The following NRG3 variants were observed in gnomAD, a reference collection of about 807,000 sequenced individuals.
NRG3 encodes the protein neuregulin 3, also known as pro-neuregulin-3, membrane-bound isoform.
Under a neutral mutation model 66.9 loss-of-function variants are expected in NRG3, and 31 were observed. That is an observed-to-expected ratio of 0.46 (90% CI 0.35 to 0.63). The LOEUF is 0.63. Ranked by LOEUF, NRG3 falls within the 20% of genes least tolerant of loss-of-function variation. NRG3 has a pLI of 0.00. For synonymous variants in NRG3, 393 were observed against 359.4 expected (o/e 1.09, Z -1.06); for missense variants, 910 against 878.9 (o/e 1.04, Z -0.45).
intron 2 of NRG3, among the ~76,000 whole-genome samples, chr10:82,425,300 C>T (rs1373511499): frequency 1.3e-5 from 2 of 151,978 alleles, no homozygotes; most frequent in African/African-American, 2.4e-5. Flanking sequence ...AATATTTAGG[C>T]TTTCTTAATT....
chr10:82,816,285 C>A (rs7902829), intron 3 of NRG3, among the ~76,000 whole-genome samples: 7,226 of 152,318 alleles, frequency 0.047, 238 homozygotes, highest in Non-Finnish European at 0.07. Context: ...GGTATGCAGA[C>A]AACTGGAGGG....
chr10:82,135,134 A>T (rs2069234778), intron 1 of NRG3, among the ~76,000 whole-genome samples: 2 of 152,060 alleles, frequency 1.3e-5, no homozygotes, highest in African/African-American at 4.8e-5. Context: ...AAAAAAAAAA[A>T]AAAATTCCAT....
intron 1 of NRG3, among the ~76,000 whole-genome samples, chr10:82,352,115 C>A (rs967419322): frequency 7.2e-5 from 11 of 152,164 alleles, no homozygotes; most frequent in Non-Finnish European, 8.8e-5. Flanking sequence ...TGAGGATATT[C>A]ATTCAATAAG....
chr10:82,107,018 A>G (rs1053321331), intron 1 of NRG3, among the ~76,000 whole-genome samples: 9 of 152,332 alleles, frequency 5.9e-5, no homozygotes, highest in African/African-American at 2.2e-4. Flanking sequence ...GCATGAGAGG[A>G]GCTAGACATG....
rs370280804 is a variant in NRG3, at chr10:82,259,545, C to T, written c.824-99194C>T. Among the ~76,000 whole-genome samples, 240 of 152,154 alleles carry T rather than the reference C, an allele frequency of 1.6e-3. 7 individuals are homozygous for T. The South Asian group carries it at 0.045, about 29-fold the overall frequency. On this transcript the variant is annotated intron_variant, in intron 1 of 8. Coordinates refer to ENST00000372141, the MANE Select transcript of NRG3 (RefSeq NM_001010848.4). ...CTTGTTAAACACAGCCATAGGCAAACTTAGAAAAAGAAATATTAAGTAAAA... is the reference window on the plus strand; with the variant it reads ...CTTGTTAAACACAGCCATAGGCAAATTTAGAAAAAGAAATATTAAGTAAAA...
At chr10:82,617,025 G>C (rs1398775565) in intron 2 of NRG3, among the ~76,000 whole-genome samples, 2 of 152,138 alleles carry the variant, frequency 1.3e-5, no homozygotes, top group Non-Finnish European at 2.9e-5. Context: ...ACGTATTGGG[G>C]GATTGGATAG....
chr10:82,839,868 C>G (rs1435249537), intron 3 of NRG3, among the ~76,000 whole-genome samples: 1 of 152,080 alleles, frequency 6.6e-6, no homozygotes, highest in Non-Finnish European at 1.5e-5. Context: ...AACAATCACT[C>G]TGCTGATTTA....
rs147612849 is a variant in NRG3 at position 82,119,110 on chromosome 10, G to A, written c.824-239629G>A. Among the ~76,000 whole-genome samples the A allele has an allele frequency of 1.3e-4, 20 of 152,292 alleles. No individual in the cohort carries two copies. In the East Asian group the frequency reaches 3.7e-3, roughly 28 times the overall value. ...TGCAATGTGCAATACTTAAATAAAT[G>A]TAACAAATATATCAATACATCAAAC... On this transcript the variant is annotated intron_variant, in intron 1 of 8. Transcript: ENST00000372141.
At chr10:82,055,327 A>T (rs1177149138) in intron 1 of NRG3, among the ~76,000 whole-genome samples, 2 of 151,896 alleles carry the variant, frequency 1.3e-5, no homozygotes, top group East Asian at 3.9e-4. Flanking sequence ...ATACAAAAAA[A>T]ATAGCCAGGC....
At chr10:82,068,937 A>C (rs17099329) in intron 1 of NRG3, among the ~76,000 whole-genome samples, 9,162 of 152,278 alleles carry the variant, frequency 0.06, 317 homozygotes, top group East Asian at 0.097. Flanking sequence ...GAATCTTGCA[A>C]ATATTTAAAA....
chr10:82,671,678 A>G (rs368128985), intron 2 of NRG3, among the ~76,000 whole-genome samples: 1 of 152,222 alleles, frequency 6.6e-6, no homozygotes, highest in East Asian at 1.9e-4. Context: ...AAAATGAGGT[A>G]AACGATACTT....
chr10:82,093,098 C>T (rs2066129411), intron 1 of NRG3, among the ~76,000 whole-genome samples: 1 of 152,132 alleles, frequency 6.6e-6, no homozygotes, highest in African/African-American at 2.4e-5. Flanking sequence ...TAGTAGCCTT[C>T]CATGCACACC....
intron 4 of NRG3, among the ~76,000 whole-genome samples, chr10:82,949,681 C>A (rs998291491): frequency 6.6e-6 from 1 of 151,974 alleles, no homozygotes; most frequent in Non-Finnish European, 1.5e-5. Context: ...ACAGTGAAAC[C>A]TCATCTCTAC....
In NRG3 at chr10:82,491,293, A is replaced by AATATATATATATATATATACATAT. The variant is rs1554942716; in HGVS notation, c.953+132444_953+132445insCATATATATATATATATATATATA. Among the ~76,000 whole-genome samples the AATATATATATATATATATACATAT allele has an allele frequency of 7.0e-3, 570 of 81,256 alleles. 22 individuals are homozygous for AATATATATATATATATATACATAT. The highest frequency in any genetic ancestry group is 0.015 in the Middle Eastern group (2 of 136). The allele number at this position is 81,256 out of a possible 152,430, so 53.3% of individuals were successfully genotyped here. On this transcript the variant is annotated intron_variant, in intron 2 of 8. Transcript: ENST00000372141. ...GATTCTGCCTATGCTGTTCCCATAA[A>AATATATATATATATATATACATAT]ATATATATATATATATATATATAAA...
At chr10:82,774,725 G>T (rs550527199) in intron 3 of NRG3, among the ~76,000 whole-genome samples, 61 of 147,996 alleles carry the variant, frequency 4.1e-4, no homozygotes, top group African/African-American at 1.5e-3. Context: ...AACAACTCTT[G>T]GTTTTATTGA....
Position 82,163,926 on chromosome 10 carries a change from T to A in NRG3, c.824-194813T>A, listed in dbSNP as rs989559750. Among the ~76,000 whole-genome samples, 629 of 151,486 alleles carry A rather than the reference T, an allele frequency of 4.2e-3. 3 individuals carry two copies. The highest frequency in any genetic ancestry group is 0.014 in the African/African-American group (593 of 41,360). ...GGTTTTTGTTTCTCTCTTAAAATTT[T>A]TTTTTTTTTTTTGAGATGGAGTCTC... On this transcript the variant is annotated intron_variant, in intron 1 of 8. Coordinates refer to ENST00000372141, the MANE Select transcript of NRG3 (RefSeq NM_001010848.4).
At chr10:82,729,895 C>A (rs573697101) in intron 2 of NRG3, among the ~76,000 whole-genome samples, 3 of 152,190 alleles carry the variant, frequency 2.0e-5, no homozygotes, top group African/African-American at 7.2e-5. Context: ...CAAACTTGAA[C>A]TTGTTCTTTT....
At chr10:82,534,415 C>G (rs1354933316) in intron 2 of NRG3, among the ~76,000 whole-genome samples, 1 of 152,002 alleles carries the variant, frequency 6.6e-6, no homozygotes, top group East Asian at 1.9e-4. Context: ...CAGGCACATG[C>G]CACTACACCT....
intron 2 of NRG3, among the ~76,000 whole-genome samples, chr10:82,418,459 A>G (rs565537893): frequency 1.4e-5 from 2 of 145,008 alleles, no homozygotes; most frequent in South Asian, 2.1e-4. Flanking sequence ...TATGCAAATG[A>G]AAAGAGGAGG....
Sources: allele counts gnomAD v4.1 joint callset (sites outside exome capture counted in the v4.1 genomes callset), GRCh38; gene constraint gnomAD v4.1.1; transcripts MANE v1.5; gene names NCBI Gene and HGNC (gene_info 2026-07-23, HGNC 2026-07-21).